TINAG: variants seen among roughly 807,000 people sequenced by gnomAD.
TINAG encodes the protein tubulointerstitial nephritis antigen.
TINAG carries 83 observed loss-of-function variants against 72.7 expected under a neutral mutation model. The ratio of observed to expected loss-of-function variants is 1.14; its 90% CI spans 0.96 to 1.37. The LOEUF (loss-of-function observed/expected upper bound fraction) is 1.37, where lower values mean the gene tolerates loss of function less well. Ranked by LOEUF, TINAG falls within the 40% of genes most tolerant of loss-of-function variation. The pLI is 0.00. For missense variants in TINAG, 685 were observed against 576.6 expected, an observed-to-expected ratio of 1.19 and a Z score of -1.93; for synonymous variants, 234 against 189.9, an observed-to-expected ratio of 1.23 and a Z score of -1.91.
At chr6:54,373,556 G>C (rs1020051822) in intron 9 of TINAG, among the ~76,000 whole-genome samples, 1 of 151,996 alleles carries the variant, frequency 6.6e-6, no homozygotes, top group South Asian at 2.1e-4. Flanking sequence ...TTAACCTTTT[G>C]GGCCTCAGTC....
intron 9 of TINAG, among the ~76,000 whole-genome samples, chr6:54,363,021 A>T (rs2150968770): frequency 6.6e-6 from 1 of 151,686 alleles, no homozygotes; most frequent in East Asian, 2.0e-4. Context: ...AATTTTGAAG[A>T]TCTGAGAAAC....
At chr6:54,323,377 C>G (rs1784535473) in intron 3 of TINAG, among the ~76,000 whole-genome samples, 1 of 152,140 alleles carries the variant, frequency 6.6e-6, no homozygotes. Context: ...TAATTCTCAG[C>G]TATTCTCTCT....
In TINAG at chr6:54,347,526, C is replaced by T; in HGVS notation, c.899+9C>T. 1 of 1,611,688 alleles carries T rather than the reference C, an allele frequency of 6.2e-7. No individual in the cohort carries two copies. On this transcript the variant is annotated intron_variant, in intron 6 of 10. Coordinates refer to ENST00000259782, the MANE Select transcript of TINAG (RefSeq NM_014464.4). Reference sequence around the variant, plus strand: ...TACCTGAGAAAACGTGGGTAAATAGCTGCTCAACATGTGTTTCTAGGATTT... The same window carrying T: ...TACCTGAGAAAACGTGGGTAAATAGTTGCTCAACATGTGTTTCTAGGATTT...
At chr6:54,341,468 C>A (rs10456174) in intron 4 of TINAG, among the ~76,000 whole-genome samples, 22,281 of 152,072 alleles carry the variant, frequency 0.15, 1,818 homozygotes, top group Non-Finnish European at 0.18. Flanking sequence ...GTTTTTGGCA[C>A]TTTCTTCCAT....
intron 4 of TINAG, among the ~76,000 whole-genome samples, chr6:54,329,674 C>T (rs940244596): frequency 1.3e-5 from 2 of 152,002 alleles, no homozygotes. Context: ...AAGACACAGA[C>T]TGGCAAATTG....
chr6:54,320,740 C>T (rs1784472181), intron 2 of TINAG, 98 bp downstream of exon 2: 1 of 893,646 alleles, frequency 1.1e-6, no homozygotes, highest in Non-Finnish European at 1.7e-6. Context: ...CATTTATGTA[C>T]ATATAGGCAG....
chr6:54,311,223 A>G (rs1784249439), intron 1 of TINAG, among the ~76,000 whole-genome samples: 1 of 152,070 alleles, frequency 6.6e-6, no homozygotes, highest in Admixed American at 6.6e-5. Context: ...GTCTCCGTGG[A>G]CTAGTATGAC....
intron 1 of TINAG, among the ~76,000 whole-genome samples, chr6:54,309,758 TAGA>T (rs1057092735): frequency 1.3e-5 from 2 of 151,312 alleles, no homozygotes; most frequent in Non-Finnish European, 2.9e-5. Context: ...AAATCCCAGT[TAGA>T]AGACATTTTA....
chr6:54,351,771 C>T (rs1247903477), intron 8 of TINAG, among the ~76,000 whole-genome samples: 1 of 151,852 alleles, frequency 6.6e-6, no homozygotes, highest in East Asian at 1.9e-4. Context: ...AAGAATCATA[C>T]ATACAGTTTT....
chr6:54,379,573 A>G (rs1183609080), intron 9 of TINAG, among the ~76,000 whole-genome samples: 1 of 152,064 alleles, frequency 6.6e-6, no homozygotes, highest in East Asian at 1.9e-4. Context: ...TTTTACATAA[A>G]CTACAAAATT....
intron 10 of TINAG, among the ~76,000 whole-genome samples, chr6:54,385,990 A>G (rs1410105825): frequency 7.0e-6 from 1 of 143,106 alleles, no homozygotes; most frequent in African/African-American, 2.7e-5. Flanking sequence ...TCCCAGGTTC[A>G]AGCAGTTCTC....
chr6:54,381,108 G>A (rs1463955192), intron 10 of TINAG, among the ~76,000 whole-genome samples: 2 of 148,106 alleles, frequency 1.4e-5, no homozygotes, highest in Non-Finnish European at 3.0e-5. Context: ...GGATATATAT[G>A]TATATGTAAC....
chr6:54,346,528 GTATA>G (rs571900537), intron 5 of TINAG, among the ~76,000 whole-genome samples: 1 of 151,006 alleles, frequency 6.6e-6, no homozygotes, highest in African/African-American at 2.4e-5. Flanking sequence ...CTATTAGATT[GTATA>G]TATATAATTA....
intron 6 of TINAG, among the ~76,000 whole-genome samples, chr6:54,348,501 T>C (rs1785180350): frequency 6.6e-6 from 1 of 152,102 alleles, no homozygotes; most frequent in Admixed American, 6.6e-5. Flanking sequence ...ACTGATGTTG[T>C]GGAGGCTGCA....
intron 9 of TINAG, among the ~76,000 whole-genome samples, chr6:54,372,784 A>ACG (rs1413480689): frequency 1.5e-5 from 2 of 132,096 alleles, no homozygotes; most frequent in African/African-American, 5.8e-5. Context: ...ACACACACAC[A>ACG]CATATACATG....
At chr6:54,345,709 C>G (rs1036573264) in intron 5 of TINAG, among the ~76,000 whole-genome samples, 1 of 151,886 alleles carries the variant, frequency 6.6e-6, no homozygotes, top group African/African-American at 2.4e-5. Flanking sequence ...GAAATATATC[C>G]TAGTGCAATA....
intron 1 of TINAG, among the ~76,000 whole-genome samples, chr6:54,314,880 T>G (rs930908491): frequency 1.3e-5 from 2 of 152,118 alleles, no homozygotes; most frequent in African/African-American, 4.8e-5. Context: ...CCAGGTATAG[T>G]TTTTACTCCA....
chr6:54,361,435 C>T (rs1353037221), intron 9 of TINAG, among the ~76,000 whole-genome samples: 1 of 151,606 alleles, frequency 6.6e-6, no homozygotes, highest in Non-Finnish European at 1.5e-5. Context: ...CATATCTTCA[C>T]ATGGCGATAG....
chr6:54,321,457 G>A lies in TINAG; in HGVS notation c.509+71G>A, dbSNP rs368806604. 8.8e-4 allele frequency: 935 copies of A among 1,064,130 alleles called. 16 individuals carry two copies. The South Asian group carries it at 0.012, about 14-fold the overall frequency. The allele number at this position is 1,064,130 out of a possible 1,614,324, so 65.9% of individuals were successfully genotyped here. On this transcript the variant is annotated intron_variant, in intron 3 of 10. Coordinates refer to ENST00000259782, the MANE Select transcript of TINAG (RefSeq NM_014464.4). ...TATGCAGGTTTCAATGTATTGCTTGGTTTCTATAAATGGTCATTGTTTAAA... is the reference window on the plus strand; with the variant it reads ...TATGCAGGTTTCAATGTATTGCTTGATTTCTATAAATGGTCATTGTTTAAA...
Sources: gnomAD v4.1 joint callset for allele counts (sites outside exome capture counted in the v4.1 genomes callset) on GRCh38, gnomAD v4.1.1 for gene constraint, MANE v1.5 for transcripts, NCBI Gene and HGNC (gene_info 2026-07-23, HGNC 2026-07-21) for gene names.